Variants in SPTBN2 observed in about 807,000 individuals in gnomAD.
The protein encoded by SPTBN2 is spectrin beta, non-erythrocytic 2.
Under a neutral mutation model 284.2 loss-of-function variants are expected in SPTBN2, and 107 were observed. That is an observed-to-expected ratio of 0.38 (90% CI 0.32 to 0.44). The LOEUF (loss-of-function observed/expected upper bound fraction) is 0.44, where lower values mean the gene tolerates loss of function less well. Ranked by LOEUF, SPTBN2 falls within the 20% of genes least tolerant of loss-of-function variation. The probability of loss-of-function intolerance (pLI) is 1.00; values close to 1 mark genes in which losing one functional copy is unlikely to be tolerated. For missense variants in SPTBN2, 2,569 were observed against 3,287.1 expected, an observed-to-expected ratio of 0.78 and a Z score of 5.34; for synonymous variants, 1,289 against 1,354.8, an observed-to-expected ratio of 0.95 and a Z score of 1.07.
In SPTBN2 at chr11:66,684,092, A is replaced by T. The variant is rs548344; in HGVS notation, c.*1779T>A. 1.3e-5 allele frequency among the ~76,000 whole-genome samples: 2 copies of T among 152,340 alleles called. No homozygotes were observed. The highest frequency in any genetic ancestry group is 4.1e-4 in the South Asian group (2 of 4,830). On this transcript the variant is annotated 3_prime_UTR_variant, in exon 38 of 38. Transcript: ENST00000533211. ...GCTAGTTCTGGGCCTGCACACACCT[A>T]ACTCGGTCTTCGTCATGACTGATGA...
chr11:66,721,652 A>G (rs1427257946), intron 1 of SPTBN2, among the ~76,000 whole-genome samples: 1 of 152,224 alleles, frequency 6.6e-6, no homozygotes, highest in Non-Finnish European at 1.5e-5. Context: ...CCCACAGGCA[A>G]TAATGACTAG....
chr11:66,713,724 A>C lies in SPTBN2; in HGVS notation c.679T>G (p.Ser227Ala). The C allele has an allele frequency of 6.2e-7, 1 of 1,614,054 alleles. No individual in the cohort carries two copies. ...KHRPDLLDFE[S>A]LKKCNAHYNL... ...TAGTGTGCATTACACTTCTTCAGAG[A>C]CTCAAAATCCAGCAGGTCTGGCCTG... The change falls in exon 8 of 38, where the codon TCT (serine) becomes GCT (alanine). Residue 227 changes from serine (S) to alanine (A), a missense_variant. Ser to Ala is a moderately conservative substitution (Grantham distance 99). This residue lies in a region of SPTBN2 where 304 missense variants were observed against 522.1 expected (regional missense o/e 0.58). Coordinates refer to ENST00000533211, the MANE Select transcript of SPTBN2 (RefSeq NM_006946.4).
Position 66,694,249 on chromosome 11 carries a change from CCCTCG to C in SPTBN2, c.4388_4392del (p.Ser1463CysfsTer36). On this transcript the variant is annotated frameshift_variant, in exon 22 of 38. Coordinates refer to ENST00000533211, the MANE Select transcript of SPTBN2 (RefSeq NM_006946.4). LOFTEE classifies it high-confidence loss of function. ...AAGGCCCTGAACTTCTCCTCCACGGCCCTCGAGGTTCTCTCCACCTCCCCTGCACC... is the reference window on the plus strand; with the variant it reads ...AAGGCCCTGAACTTCTCCTCCACGGCAGGTTCTCTCCACCTCCCCTGCACC... 6.2e-7 allele frequency: 1 copy of C among 1,614,128 alleles called. No homozygotes were observed. Among genetic ancestry groups the C allele is most frequent in the Non-Finnish European group, 8.5e-7 (1 of 1,180,032 alleles).
intron 31 of SPTBN2, 138 bp downstream of exon 31, chr11:66,688,515 G>A: frequency 6.9e-7 from 1 of 1,446,740 alleles, no homozygotes; most frequent in Non-Finnish European, 9.4e-7. Flanking sequence ...TAAAGGTGTG[G>A]TGACAATGGC....
intron 30 of SPTBN2, 67 bp downstream of exon 30, chr11:66,689,029 C>G (rs1243501854): frequency 1.3e-6 from 2 of 1,535,274 alleles, no homozygotes; most frequent in African/African-American, 1.4e-5. Flanking sequence ...CTCACCTACT[C>G]TGGAACCCAC....
chr11:66,720,170 C>T (rs1423137501), intron 3 of SPTBN2, among the ~76,000 whole-genome samples: 1 of 152,146 alleles, frequency 6.6e-6, no homozygotes, highest in Non-Finnish European at 1.5e-5. Context: ...GGGAACCTCC[C>T]CCTTGGAGTC....
chr11:66,686,588 C>T, intron 36 of SPTBN2, 148 bp from the exon 37 acceptor site: 2 of 861,350 alleles, frequency 2.3e-6, no homozygotes, highest in East Asian at 2.5e-5. Flanking sequence ...GCACATTCTT[C>T]AGCTTCCCCA....
At chr11:66,703,679 G>A (rs1941368394) in intron 15 of SPTBN2, among the ~76,000 whole-genome samples, 1 of 151,902 alleles carries the variant, frequency 6.6e-6, no homozygotes. Flanking sequence ...AGAGCATGCA[G>A]TGAGCCGAGA....
intron 15 of SPTBN2, among the ~76,000 whole-genome samples, chr11:66,703,939 T>C (rs931024970): frequency 2.6e-5 from 4 of 151,990 alleles, no homozygotes; most frequent in East Asian, 3.9e-4. Flanking sequence ...AAATAATATA[T>C]TGTAGGTAAG....
At chr11:66,709,956 C>T (rs1053843867) in intron 10 of SPTBN2, among the ~76,000 whole-genome samples, 1 of 152,230 alleles carries the variant, frequency 6.6e-6, no homozygotes, top group South Asian at 2.1e-4. Flanking sequence ...CTATCCTATG[C>T]TAGGATTGGG....
At chr11:66,714,471 C>T in intron 5 of SPTBN2, 64 bp from the exon 6 acceptor site, 1 of 1,405,506 alleles carries the variant, frequency 7.1e-7, no homozygotes, top group Non-Finnish European at 1.0e-6. Flanking sequence ...ATCAGAGATG[C>T]TCAGATAAAT....
chr11:66,695,799 G>A (rs550192509), intron 21 of SPTBN2, among the ~76,000 whole-genome samples: 249 of 151,640 alleles, frequency 1.6e-3, no homozygotes, highest in African/African-American at 5.7e-3. Context: ...GCATGATCAC[G>A]GCTCACTGCA....
At chr11:66,699,236 G>A (rs946107544) in intron 18 of SPTBN2, among the ~76,000 whole-genome samples, 154 bp from the exon 19 acceptor site, 10 of 152,122 alleles carry the variant, frequency 6.6e-5, no homozygotes, top group Non-Finnish European at 1.0e-4. Flanking sequence ...TTTAGCCCTG[G>A]TTGGGGGTGG....
chr11:66,694,384 G>A, intron 21 of SPTBN2, 21 bp from the exon 22 acceptor site: 2 of 1,611,892 alleles, frequency 1.2e-6, no homozygotes, highest in South Asian at 2.2e-5. Flanking sequence ...CCAGGAGGAA[G>A]GACATGTTAG....
In SPTBN2 at chr11:66,708,243, C is replaced by T. The variant is rs775075151; in HGVS notation, c.1248G>A (p.Glu416=). ...EHERELALRT[E]LIRQEKLEQL... Reference sequence around the variant, plus strand: ...GCTCCAGCTTCTCCTGGCGGATGAGCTCGGTGCGCAGGGCCAGCTCACGCT... The same window carrying T: ...GCTCCAGCTTCTCCTGGCGGATGAGTTCGGTGCGCAGGGCCAGCTCACGCT... The change falls in exon 12 of 38, where the codon GAG becomes GAA. Residue 416 remains glutamate, a synonymous_variant. Coordinates refer to ENST00000533211, the MANE Select transcript of SPTBN2 (RefSeq NM_006946.4). The surrounding 1 kb of genome is among the most constrained non-coding windows in gnomAD (Gnocchi z 4.4). The T allele has an allele frequency of 2.5e-6, 4 of 1,610,488 alleles. No individual in the cohort carries two copies. The highest frequency in any genetic ancestry group is 3.4e-6 in the Non-Finnish European group (4 of 1,178,192).
chr11:66,722,420 C>CA (rs1243465688), intron 1 of SPTBN2, among the ~76,000 whole-genome samples: 1 of 151,278 alleles, frequency 6.6e-6, no homozygotes, highest in Non-Finnish European at 1.5e-5. Flanking sequence ...CTAAAAAATA[C>CA]AAAAAATTAG....
Position 66,721,101 on chromosome 11 carries a change from C to A in SPTBN2, c.140G>T (p.Arg47Leu), listed in dbSNP as rs768391963. 1 of 1,614,196 alleles carries A rather than the reference C, an allele frequency of 6.2e-7. No individual in the cohort carries two copies. The highest frequency in any genetic ancestry group is 8.5e-7 in the Non-Finnish European group (1 of 1,180,026). ...GACCTCACCTGCCAGAGCCTTAATG[C>A]GAGACCTCTCAAAGAGGCGGGCCGA... ...SSSARLFERS[R>L]IKALADEREA... Residue 47 changes from arginine to leucine, a missense_variant, in exon 3 of 38, where the codon CGC (arginine) becomes CTC (leucine). By Grantham distance (102) the Arg-to-Leu change is moderately radical. Around this residue, in one of 6 missense-constraint regions of SPTBN2, gnomAD observed 304 missense variants for 522.1 expected, o/e 0.58. Transcript: ENST00000533211.
chr11:66,708,081 C>T lies in SPTBN2; in HGVS notation c.1350+60G>A. ...CTCTCCACCCCGCGGGGCTTCTTAT[C>T]CACCCTGTCTCTCTCCCAGTTCTGA... On this transcript the variant is annotated intron_variant, in intron 12 of 37. Coordinates refer to ENST00000533211, the MANE Select transcript of SPTBN2 (RefSeq NM_006946.4). The surrounding 1 kb of genome is among the most constrained non-coding windows in gnomAD (Gnocchi z 4.4). The T allele has an allele frequency of 6.2e-7, 1 of 1,607,468 alleles. No individual in the cohort carries two copies. The highest frequency in any genetic ancestry group is 8.5e-7 in the Non-Finnish European group (1 of 1,175,360).
rs765806905 is a variant in SPTBN2, at chr11:66,696,369, C to T, written c.4186G>A (p.Glu1396Lys). 21 of 1,613,466 alleles carry T rather than the reference C, an allele frequency of 1.3e-5. No homozygotes were observed. The highest frequency in any genetic ancestry group is 1.7e-5 in the Admixed American group (1 of 60,016). Residue 1396 changes from glutamate (E) to lysine (K), a missense_variant, in exon 21 of 38, where the codon GAG becomes AAG. Glu to Lys is a moderately conservative substitution (Grantham distance 56). Transcript: ENST00000533211. Reference sequence around the variant, plus strand: ...GCCTGCAGGCTCTCCAGCCAGCTCTCCAGGGCACAGCAGCTCTGGGCAAAC... The same window carrying T: ...GCCTGCAGGCTCTCCAGCCAGCTCTTCAGGGCACAGCAGCTCTGGGCAAAC... ...ELFAQSCCAL[E>K]SWLESLQAQL...
Sources: gnomAD v4.1 joint callset for allele counts (sites outside exome capture counted in the v4.1 genomes callset) on GRCh38, gnomAD v4.1.1 for gene constraint, gnomAD v4.1.1 regional missense constraint, Gnocchi (gnomAD v3.1) non-coding constraint, MANE v1.5 for transcripts, NCBI Gene and HGNC (gene_info 2026-07-23, HGNC 2026-07-21) for gene names.